HS3ST4: variants seen among roughly 807,000 people sequenced by gnomAD.
The protein encoded by HS3ST4 is heparan sulfate glucosamine 3-O-sulfotransferase 4.
Under a neutral mutation model 29.2 loss-of-function variants are expected in HS3ST4, and 17 were observed. The ratio of observed to expected loss-of-function variants is 0.58; its 90% CI spans 0.40 to 0.87. The LOEUF (loss-of-function observed/expected upper bound fraction) is 0.87. HS3ST4 is among the 40% of genes least tolerant of loss of function. The pLI is 0.00. For missense variants in HS3ST4, 627 were observed against 634.5 expected (o/e 0.99, Z 0.13); for synonymous variants, 314 against 285.7 (o/e 1.10, Z -1.00).
At chr16:25,820,031 AAAAAAAAAAAAAAAAAAAG>A (rs1967133214) in intron 1 of HS3ST4, among the ~76,000 whole-genome samples, 1 of 115,134 alleles carries the variant, frequency 8.7e-6, no homozygotes. Context: ...AAAAAAAAAA[AAAAAAAAAAAAAAAAAAAG>A]AAAAAGAAAA....
chr16:25,976,068 C>G (rs999784921), intron 1 of HS3ST4, among the ~76,000 whole-genome samples: 5 of 152,228 alleles, frequency 3.3e-5, no homozygotes, highest in East Asian at 1.9e-4. Context: ...CAAAGTTTGT[C>G]CCGGTTCACA....
At chr16:25,749,178 A>AT (rs368178681) in intron 1 of HS3ST4, among the ~76,000 whole-genome samples, 4 of 152,232 alleles carry the variant, frequency 2.6e-5, no homozygotes, top group Admixed American at 6.5e-5. Flanking sequence ...CTTTAGACGT[A>AT]TTTTTTAGGC....
intron 1 of HS3ST4, among the ~76,000 whole-genome samples, chr16:25,755,616 C>T (rs1451587729): frequency 6.6e-6 from 1 of 152,098 alleles, no homozygotes; most frequent in Admixed American, 6.6e-5. Flanking sequence ...TTTACCTTGG[C>T]CCGAGGTTTT....
intron 1 of HS3ST4, among the ~76,000 whole-genome samples, chr16:26,033,035 G>C (rs778691221): frequency 3.3e-5 from 5 of 152,216 alleles, no homozygotes; most frequent in Admixed American, 2.0e-4. Flanking sequence ...TATATACGAG[G>C]TGGGACCCAT....
At chr16:25,840,767 C>T (rs1264279728) in intron 1 of HS3ST4, among the ~76,000 whole-genome samples, 1 of 152,064 alleles carries the variant, frequency 6.6e-6, no homozygotes, top group Non-Finnish European at 1.5e-5. Flanking sequence ...TAAGGTATTA[C>T]ACATCCTTAC....
intron 1 of HS3ST4, among the ~76,000 whole-genome samples, chr16:25,718,884 G>T (rs901944844): frequency 6.6e-6 from 1 of 152,180 alleles, no homozygotes; most frequent in Non-Finnish European, 1.5e-5. Flanking sequence ...AGAGAAGGGG[G>T]TTTAGGATTG....
At chr16:26,085,103 T>C (rs1898770600) in intron 1 of HS3ST4, among the ~76,000 whole-genome samples, 1 of 152,218 alleles carries the variant, frequency 6.6e-6, no homozygotes, top group Admixed American at 6.5e-5. Context: ...GGCCTTTTGC[T>C]CAACCGGCTT....
chr16:25,779,202 A>G (rs1477264891), intron 1 of HS3ST4, among the ~76,000 whole-genome samples: 1 of 152,216 alleles, frequency 6.6e-6, no homozygotes, highest in Non-Finnish European at 1.5e-5. Flanking sequence ...GCTACTGAGG[A>G]TGGGAGAAAG....
At chr16:25,781,358 C>T (rs4555160) in intron 1 of HS3ST4, among the ~76,000 whole-genome samples, 26,845 of 152,088 alleles carry the variant, frequency 0.18, 2,550 homozygotes, top group African/African-American at 0.23. Context: ...CCCTCATCAG[C>T]GGTTCTCTTG....
chr16:25,904,601 T>A (rs1968161564), intron 1 of HS3ST4, among the ~76,000 whole-genome samples: 1 of 152,214 alleles, frequency 6.6e-6, no homozygotes, highest in African/African-American at 2.4e-5. Flanking sequence ...GCAATGAAAG[T>A]CATTCATTCA....
At chr16:26,012,644 G>A (rs2141740974) in intron 1 of HS3ST4, among the ~76,000 whole-genome samples, 1 of 152,248 alleles carries the variant, frequency 6.6e-6, no homozygotes, top group Admixed American at 6.5e-5. Flanking sequence ...TTAAAATAGT[G>A]CATTATAATT....
intron 1 of HS3ST4, among the ~76,000 whole-genome samples, chr16:25,955,360 A>C (rs1968721377): frequency 1.3e-5 from 2 of 152,202 alleles, no homozygotes; most frequent in South Asian, 4.1e-4. Flanking sequence ...CAGTTGCTTT[A>C]TAGCCTTCAG....
intron 1 of HS3ST4, among the ~76,000 whole-genome samples, chr16:26,133,747 C>T (rs983730383): frequency 5.3e-5 from 8 of 152,114 alleles, no homozygotes; most frequent in East Asian, 3.9e-4. Flanking sequence ...TCCACACACG[C>T]GATAGTAAAT....
At chr16:25,845,047 G>A (rs558317987) in intron 1 of HS3ST4, among the ~76,000 whole-genome samples, 5 of 152,066 alleles carry the variant, frequency 3.3e-5, no homozygotes, top group Non-Finnish European at 7.4e-5. Context: ...AGGCCTGTTG[G>A]GGGGTGGGGT....
chr16:25,764,497 G>A (rs577677509), intron 1 of HS3ST4, among the ~76,000 whole-genome samples: 93 of 152,258 alleles, frequency 6.1e-4, no homozygotes, highest in African/African-American at 2.1e-3. Context: ...GTGTGCACCC[G>A]CATGTGTATG....
intron 1 of HS3ST4, among the ~76,000 whole-genome samples, chr16:25,954,492 T>C (rs189482023): frequency 4.5e-4 from 69 of 152,198 alleles, no homozygotes; most frequent in African/African-American, 1.6e-3. Context: ...AATAAATGAA[T>C]AAATAAACAA....
intron 1 of HS3ST4, among the ~76,000 whole-genome samples, chr16:25,792,099 T>C (rs1966870474): frequency 6.6e-6 from 1 of 152,012 alleles, no homozygotes; most frequent in Non-Finnish European, 1.5e-5. Flanking sequence ...TATGGATCTG[T>C]TGGTATAACT....
chr16:25,957,233 A>G (rs1968744605), intron 1 of HS3ST4, among the ~76,000 whole-genome samples: 1 of 151,972 alleles, frequency 6.6e-6, no homozygotes. Flanking sequence ...AACCTCCCCC[A>G]TGTTTCAGCC....
chr16:25,838,573 A>G (rs1187552200), intron 1 of HS3ST4, among the ~76,000 whole-genome samples: 1 of 152,210 alleles, frequency 6.6e-6, no homozygotes, highest in Admixed American at 6.5e-5. Context: ...GTCTTTGGAT[A>G]ATTCCACAGT....
Sources: allele counts gnomAD v4.1 joint callset (sites outside exome capture counted in the v4.1 genomes callset), GRCh38; gene constraint gnomAD v4.1.1; transcripts MANE v1.5; gene names NCBI Gene and HGNC (gene_info 2026-07-23, HGNC 2026-07-21).